Variants in MACROD2 observed in about 807,000 individuals in gnomAD.
MACROD2 encodes ADP-ribose glycohydrolase MACROD2.
MACROD2 carries 36 observed loss-of-function variants against 70.4 expected under a neutral mutation model. That is an observed-to-expected ratio of 0.51 (90% CI 0.39 to 0.68). The LOEUF (loss-of-function observed/expected upper bound fraction) is 0.68, where lower values mean the gene tolerates loss of function less well. Ranked by LOEUF, MACROD2 falls within the 30% of genes least tolerant of loss-of-function variation. The probability of loss-of-function intolerance (pLI) is 0.00; values close to 1 mark genes in which losing one functional copy is unlikely to be tolerated. For missense variants in MACROD2, 496 were observed against 538.4 expected, an observed-to-expected ratio of 0.92 and a Z score of 0.78; for synonymous variants, 172 against 178.8, an observed-to-expected ratio of 0.96 and a Z score of 0.30.
intron 4 of MACROD2, among the ~76,000 whole-genome samples, chr20:14,566,410 C>T (rs1240098176): frequency 1.3e-5 from 2 of 151,842 alleles, no homozygotes; most frequent in Non-Finnish European, 2.9e-5. Flanking sequence ...TGCACTCCAG[C>T]TTGGCAGCAT....
intron 4 of MACROD2, among the ~76,000 whole-genome samples, chr20:14,512,079 G>A (rs936286869): frequency 1.5e-4 from 23 of 152,036 alleles, no homozygotes; most frequent in African/African-American, 5.6e-4. Flanking sequence ...GATTGAAGAG[G>A]CAAAAATGAA....
At chr20:15,877,735 A>G (rs2064695784) in intron 9 of MACROD2, among the ~76,000 whole-genome samples, 1 of 152,150 alleles carries the variant, frequency 6.6e-6, no homozygotes, top group African/African-American at 2.4e-5. Flanking sequence ...TGCAAATCCA[A>G]ATTGTTCCTA....
chr20:15,241,029 T>G (rs1279002164), intron 6 of MACROD2, among the ~76,000 whole-genome samples: 1 of 152,220 alleles, frequency 6.6e-6, no homozygotes, highest in Non-Finnish European at 1.5e-5. Context: ...ATTAATGCAG[T>G]GAGTATGCAG....
intron 4 of MACROD2, among the ~76,000 whole-genome samples, chr20:14,497,138 A>C (rs2084862507): frequency 6.6e-6 from 1 of 151,740 alleles, no homozygotes; most frequent in Non-Finnish European, 1.5e-5. Flanking sequence ...ACAGGAAAAC[A>C]TACAGTTAAG....
At chr20:14,863,270 C>T (rs970741373) in intron 5 of MACROD2, among the ~76,000 whole-genome samples, 6 of 152,160 alleles carry the variant, frequency 3.9e-5, no homozygotes, top group South Asian at 2.1e-4. Context: ...GCACAGGCAG[C>T]GCTTATATCT....
chr20:15,565,683 G>A lies in MACROD2; in HGVS notation c.645+65836G>A, dbSNP rs185468196. ...CAGGCTAGAGTTCAGCGGCACTATC[G>A]TAGCTTACTGCAGCCTCAAATTCCT... On this transcript the variant is annotated intron_variant, in intron 8 of 17. Coordinates refer to ENST00000684519, the MANE Select transcript of MACROD2 (RefSeq NM_001351661.2). Among the ~76,000 whole-genome samples, 33 of 152,188 alleles carry A rather than the reference G, an allele frequency of 2.2e-4. No individual in the cohort carries two copies. The East Asian group carries it at 5.0e-3, about 23-fold the overall frequency.
At chr20:14,673,764 C>CA (rs987505203) in intron 4 of MACROD2, among the ~76,000 whole-genome samples, 4 of 150,998 alleles carry the variant, frequency 2.6e-5, no homozygotes, top group African/African-American at 4.9e-5. Flanking sequence ...ACTAAAAAAA[C>CA]AAAAAATTAG....
intron 3 of MACROD2, among the ~76,000 whole-genome samples, chr20:14,380,255 A>T (rs961596240): frequency 2.0e-5 from 3 of 152,120 alleles, no homozygotes; most frequent in African/African-American, 7.2e-5. Context: ...TCTTCTTTGG[A>T]GAAAAGTGTG....
At chr20:15,266,933 G>A (rs1416367126) in intron 6 of MACROD2, among the ~76,000 whole-genome samples, 3 of 152,248 alleles carry the variant, frequency 2.0e-5, no homozygotes, top group African/African-American at 7.2e-5. Flanking sequence ...GGGGCGCGGG[G>A]GGCATGAGAA....
chr20:14,369,662 A>G (rs911773912), intron 3 of MACROD2, among the ~76,000 whole-genome samples: 1 of 152,166 alleles, frequency 6.6e-6, no homozygotes, highest in Non-Finnish European at 1.5e-5. Flanking sequence ...TTAGTTATCC[A>G]CATGGTATAA....
At position 14,641,767 on chromosome 20, in the gene MACROD2, G is replaced by A. The variant is rs1186610795; in HGVS notation, c.302-43076G>A. Among the ~76,000 whole-genome samples, 3 of 152,296 alleles carry A rather than the reference G, an allele frequency of 2.0e-5. No homozygotes were observed. The East Asian group carries it at 5.8e-4, about 29-fold the overall frequency. On this transcript the variant is annotated intron_variant, in intron 4 of 17. Transcript: ENST00000684519. ...GGGCTTAAAATATTCATTAAACCATGCTGTAAGCAGATATGCTGTCATCCA... is the reference window on the plus strand; with the variant it reads ...GGGCTTAAAATATTCATTAAACCATACTGTAAGCAGATATGCTGTCATCCA...
At chr20:14,598,813 T>A (rs934152282) in intron 4 of MACROD2, among the ~76,000 whole-genome samples, 1 of 152,138 alleles carries the variant, frequency 6.6e-6, no homozygotes, top group Admixed American at 6.6e-5. Context: ...TTCTCCATGG[T>A]GCTATGACAT....
chr20:15,810,392 G>A (rs1309256826), intron 8 of MACROD2, among the ~76,000 whole-genome samples: 2 of 151,536 alleles, frequency 1.3e-5, no homozygotes, highest in Non-Finnish European at 2.9e-5. Flanking sequence ...TAATGGGATG[G>A]CTGGGTCAAA....
intron 3 of MACROD2, among the ~76,000 whole-genome samples, chr20:14,409,295 C>G (rs539249530): frequency 6.6e-6 from 1 of 151,980 alleles, no homozygotes; most frequent in African/African-American, 2.4e-5. Flanking sequence ...TCAGCTTTGA[C>G]TTCTGTGATG....
chr20:16,046,743 C>T (rs111587280), intron 17 of MACROD2, among the ~76,000 whole-genome samples: 9,230 of 141,550 alleles, frequency 0.065, 362 homozygotes, highest in East Asian at 0.12. Flanking sequence ...TGTAGTGGCA[C>T]GATCTTGGCT....
intron 3 of MACROD2, among the ~76,000 whole-genome samples, chr20:14,229,680 T>C (rs2081781361): frequency 2.0e-5 from 3 of 152,226 alleles, no homozygotes; most frequent in Admixed American, 1.3e-4. Context: ...TTAGTCTTAC[T>C]GTATGATCCA....
intron 5 of MACROD2, among the ~76,000 whole-genome samples, chr20:14,698,918 T>TA (rs2071160083): frequency 6.6e-6 from 1 of 152,018 alleles, no homozygotes; most frequent in African/African-American, 2.4e-5. Context: ...GTAACTTGGC[T>TA]AATAGATACA....
intron 3 of MACROD2, among the ~76,000 whole-genome samples, chr20:14,477,822 G>C (rs1478640257): frequency 6.6e-6 from 1 of 152,162 alleles, no homozygotes; most frequent in East Asian, 1.9e-4. Flanking sequence ...GCCGAATGCT[G>C]TAAGATGTTA....
At chr20:15,971,047 G>A (rs2066222894) in intron 13 of MACROD2, among the ~76,000 whole-genome samples, 1 of 152,008 alleles carries the variant, frequency 6.6e-6, no homozygotes, top group Admixed American at 6.6e-5. Flanking sequence ...ACCCAACAAA[G>A]TAAAATCAAC....
Sources: allele counts gnomAD v4.1 joint callset (sites outside exome capture counted in the v4.1 genomes callset), GRCh38; gene constraint gnomAD v4.1.1; transcripts MANE v1.5; gene names NCBI Gene and HGNC (gene_info 2026-07-23, HGNC 2026-07-21).